Variants in NPTN observed in about 807,000 individuals in gnomAD.
The protein encoded by NPTN is neuroplastin.
In NPTN, 5 loss-of-function variants were observed where a neutral mutation model predicts 42.7. The ratio of observed to expected loss-of-function variants is 0.12; its 90% CI spans 0.06 to 0.25. NPTN has a LOEUF of 0.25. Among genes scored for constraint, NPTN ranks in the 10% least tolerant of loss-of-function variants. The pLI is 1.00. For missense variants in NPTN, 307 were observed against 525.4 expected (o/e 0.58, Z 4.06); for synonymous variants, 180 against 201.9 (o/e 0.89, Z 0.92).
At chr15:73,619,608 G>A (rs554211069) in intron 1 of NPTN, among the ~76,000 whole-genome samples, 2 of 152,308 alleles carry the variant, frequency 1.3e-5, no homozygotes, top group African/African-American at 4.8e-5. Flanking sequence ...CAAGGAGGGT[G>A]ATCTACTGAA....
intron 6 of NPTN, 85 bp from the exon 7 acceptor site, chr15:73,563,342 G>GAAT: frequency 6.3e-7 from 1 of 1,579,740 alleles, no homozygotes. Flanking sequence ...AGGATTAACA[G>GAAT]AATAGCAAAC....
At chr15:73,626,335 G>A (rs1898408252) in intron 1 of NPTN, among the ~76,000 whole-genome samples, 1 of 152,232 alleles carries the variant, frequency 6.6e-6, no homozygotes, top group South Asian at 2.1e-4. Flanking sequence ...AGGGTTGTCT[G>A]AAGTAGATTT....
chr15:73,568,573 G>A lies in NPTN; in HGVS notation c.1114+1577C>T, dbSNP rs951846147. The A allele has an allele frequency of 1.2e-5, 12 of 985,384 alleles. No homozygotes were observed. In the African/African-American group the frequency reaches 2.1e-4, roughly 17 times the overall value. The allele number at this position is 985,384 out of a possible 1,614,324, so 61.0% of individuals were successfully genotyped here. A position where few individuals can be genotyped will look rare whatever the true frequency, so the allele number is the denominator to read the frequency against. ...ACTCTTGCCTTGGGAGTCCTAATATGTAGCAGGAAAGAAATACCTGGAGAG... is the reference window on the plus strand; with the variant it reads ...ACTCTTGCCTTGGGAGTCCTAATATATAGCAGGAAAGAAATACCTGGAGAG... On this transcript the variant is annotated intron_variant, in intron 6 of 8. Coordinates refer to ENST00000345330, the MANE Select transcript of NPTN (RefSeq NM_012428.4).
chr15:73,571,078 CAA>C (rs954577614), intron 5 of NPTN, among the ~76,000 whole-genome samples: 2 of 152,012 alleles, frequency 1.3e-5, no homozygotes, highest in African/African-American at 2.4e-5. Context: ...CCCAGGAGTT[CAA>C]GACTGGCCTT....
intron 6 of NPTN, chr15:73,568,713 G>A (rs1895186803): frequency 1.0e-6 from 1 of 985,404 alleles, no homozygotes; most frequent in Non-Finnish European, 1.2e-6. Context: ...TTCATTTGCA[G>A]AGGCCGTCTG....
rs1329320637 is a variant in NPTN, at chr15:73,560,610, C to G, written c.*453G>C. The G allele has an allele frequency of 6.7e-6, 1 of 149,276 alleles. No homozygotes were observed. Among genetic ancestry groups the G allele is most frequent in the Non-Finnish European group, 1.5e-5 (1 of 67,446 alleles). 9.2% of individuals were successfully genotyped at this position (149,276 alleles called of 1,614,324 possible). ...TTACTTTATTTTGGATTTCTCCCAC[C>G]CCCAAAAATATAAATATATATATAT... On this transcript the variant is annotated 3_prime_UTR_variant, in exon 9 of 9. Transcript: ENST00000345330.
chr15:73,620,027 T>G (rs181755866), intron 1 of NPTN, among the ~76,000 whole-genome samples: 67 of 152,272 alleles, frequency 4.4e-4, no homozygotes, highest in Non-Finnish European at 2.4e-4. Flanking sequence ...TTGCCAAAAA[T>G]CAGGGTTTCA....
intron 1 of NPTN, among the ~76,000 whole-genome samples, chr15:73,620,302 AAGGCATGTGGC>A (rs1898070921): frequency 6.6e-6 from 1 of 152,202 alleles, no homozygotes; most frequent in African/African-American, 2.4e-5. Context: ...CCATTCCTAG[AAGGCATGTGGC>A]TTTGACTACT....
intron 5 of NPTN, 134 bp downstream of exon 5, chr15:73,573,528 C>T: frequency 1.0e-6 from 1 of 967,382 alleles, no homozygotes; most frequent in South Asian, 2.0e-5. Flanking sequence ...ATGCTGTAAA[C>T]CGTGACTCTA....
intron 6 of NPTN, chr15:73,563,707 AT>A: frequency 4.4e-6 from 1 of 228,506 alleles, no homozygotes; most frequent in Non-Finnish European, 7.3e-6. Context: ...CCATCTGTAC[AT>A]TTAGCCACAC....
chr15:73,618,754 T>G (rs1445177495), intron 1 of NPTN, among the ~76,000 whole-genome samples: 2 of 152,078 alleles, frequency 1.3e-5, no homozygotes, highest in Non-Finnish European at 2.9e-5. Flanking sequence ...AAGGATCACT[T>G]GAGCCCAGAC....
chr15:73,578,701 G>A lies in NPTN; in HGVS notation c.707-4906C>T, dbSNP rs191484650. 1.8e-4 allele frequency among the ~76,000 whole-genome samples: 27 copies of A among 152,310 alleles called. No individual in the cohort carries two copies. In the East Asian group the frequency reaches 4.8e-3, roughly 27 times the overall value. On this transcript the variant is annotated intron_variant, in intron 4 of 8. Transcript: ENST00000345330. Reference sequence around the variant, plus strand: ...AGATACTTATTTAACATATGGCTAGGTGTGGTGGCTGGCTAGGTGCAGTGG... The same window carrying A: ...AGATACTTATTTAACATATGGCTAGATGTGGTGGCTGGCTAGGTGCAGTGG...
intron 2 of NPTN, among the ~76,000 whole-genome samples, chr15:73,595,242 C>A (rs901400259): frequency 2.6e-5 from 4 of 152,164 alleles, no homozygotes; most frequent in Non-Finnish European, 5.9e-5. Flanking sequence ...CAGTCCATAC[C>A]TATAAACTTC....
chr15:73,591,475 C>T (rs1225109391), intron 3 of NPTN, among the ~76,000 whole-genome samples: 1 of 152,156 alleles, frequency 6.6e-6, no homozygotes, highest in Non-Finnish European at 1.5e-5. Context: ...CATTCAAGAG[C>T]CCTGCATCTG....
intron 1 of NPTN, among the ~76,000 whole-genome samples, chr15:73,598,273 T>C (rs117253949): frequency 0.015 from 2,306 of 152,202 alleles, 28 homozygotes; most frequent in Non-Finnish European, 0.023. Flanking sequence ...TACAGTTGAA[T>C]TGCCTGGCTT....
At chr15:73,606,503 T>C (rs1368480638) in intron 1 of NPTN, among the ~76,000 whole-genome samples, 1 of 152,174 alleles carries the variant, frequency 6.6e-6, no homozygotes, top group Non-Finnish European at 1.5e-5. Context: ...AAATAAGCTA[T>C]ATCTTAAAGA....
At chr15:73,605,603 C>T (rs1431038315) in intron 1 of NPTN, among the ~76,000 whole-genome samples, 2 of 151,936 alleles carry the variant, frequency 1.3e-5, no homozygotes, top group Non-Finnish European at 2.9e-5. Flanking sequence ...TGGCGCATGC[C>T]TGTAATCCCA....
At chr15:73,582,131 G>A (rs935946478) in intron 4 of NPTN, among the ~76,000 whole-genome samples, 1 of 152,162 alleles carries the variant, frequency 6.6e-6, no homozygotes, top group African/African-American at 2.4e-5. Flanking sequence ...AAGACACTGC[G>A]CCTGGCCTTG....
At chr15:73,602,624 T>C (rs566610840) in intron 1 of NPTN, among the ~76,000 whole-genome samples, 3 of 152,320 alleles carry the variant, frequency 2.0e-5, no homozygotes, top group South Asian at 4.1e-4. Context: ...TCATCACTAT[T>C]CCTTAACACC....
Sources: gnomAD v4.1 joint callset for allele counts (sites outside exome capture counted in the v4.1 genomes callset) on GRCh38, gnomAD v4.1.1 for gene constraint, MANE v1.5 for transcripts, NCBI Gene and HGNC (gene_info 2026-07-23, HGNC 2026-07-21) for gene names.